Variants in RGL1 observed in about 807,000 individuals in gnomAD.
RGL1 encodes ral guanine nucleotide dissociation stimulator like 1.
Under a neutral mutation model 95.2 loss-of-function variants are expected in RGL1, and 24 were observed. The observed-to-expected ratio is 0.25, with a 90% CI of 0.18 to 0.35. The LOEUF is 0.35. RGL1 is among the 10% of genes least tolerant of loss of function. The pLI is 1.00. For missense variants in RGL1, 715 were observed against 936.3 expected (o/e 0.76, Z 3.08); for synonymous variants, 329 against 344.9 (o/e 0.95, Z 0.51).
chr1:183,902,471 T>C, intron 11 of RGL1, 97 bp from the exon 12 acceptor site: 1 of 899,348 alleles, frequency 1.1e-6, no homozygotes, highest in Middle Eastern at 2.4e-4. Context: ...TGTGACTTTA[T>C]CACCCCTTTG....
intron 1 of RGL1, among the ~76,000 whole-genome samples, chr1:183,672,185 G>A (rs142341725): frequency 3.4e-4 from 52 of 152,088 alleles, no homozygotes; most frequent in African/African-American, 1.0e-3. Context: ...TACCTGCCTC[G>A]GCCTCCCAAA....
intron 4 of RGL1, among the ~76,000 whole-genome samples, chr1:183,870,441 T>C (rs61809215): frequency 8.2e-6 from 1 of 121,692 alleles, no homozygotes; most frequent in Non-Finnish European, 1.7e-5. Flanking sequence ...GCCAGGGTAG[T>C]TGTCTTCCGG....
At chr1:183,713,003 G>A (rs917073446) in intron 1 of RGL1, among the ~76,000 whole-genome samples, 3 of 152,148 alleles carry the variant, frequency 2.0e-5, no homozygotes, top group South Asian at 2.1e-4. Flanking sequence ...TTTGATGATC[G>A]TGTGTGTCAG....
intron 2 of RGL1, among the ~76,000 whole-genome samples, chr1:183,809,882 GGGT>G (rs1661589713): frequency 6.6e-6 from 1 of 152,162 alleles, no homozygotes. Context: ...GCGTGAGCCA[GGGT>G]GGTCAAGGCT....
At chr1:183,813,770 C>T (rs905622305) in intron 2 of RGL1, among the ~76,000 whole-genome samples, 1 of 152,178 alleles carries the variant, frequency 6.6e-6, no homozygotes, top group Non-Finnish European at 1.5e-5. Context: ...GCTGACATTG[C>T]TGTTCTTAAA....
intron 4 of RGL1, among the ~76,000 whole-genome samples, chr1:183,871,757 A>G (rs1469360002): frequency 6.6e-6 from 1 of 152,260 alleles, no homozygotes; most frequent in East Asian, 1.9e-4. Context: ...ACAACCGACT[A>G]GTGTTCTTCA....
At chr1:183,727,087 T>A (rs889378649) in intron 1 of RGL1, among the ~76,000 whole-genome samples, 1 of 152,132 alleles carries the variant, frequency 6.6e-6, no homozygotes, top group Non-Finnish European at 1.5e-5. Flanking sequence ...AAATTACTTA[T>A]GAACATGGAC....
intron 12 of RGL1, 59 bp downstream of exon 12, chr1:183,902,659 G>A: frequency 6.5e-7 from 1 of 1,535,954 alleles, no homozygotes; most frequent in South Asian, 1.2e-5. Context: ...TGAAAGAAAT[G>A]GGGACTTAAG....
Position 183,904,891 on chromosome 1 carries a change from C to T in RGL1, c.1392C>T (p.Ala464=). ...CCCAGATAAAGCTCTTACAGTCTGC[C>T]TGCAACAGCTATTGCATGACCCCAG... The part of the protein sequence containing the change: ...VIAQIKLLQS[A]CNSYCMTPDQ... The change falls in exon 13 of 18, where the codon GCC becomes GCT. Residue 464 remains alanine, a synonymous_variant. Coordinates refer to ENST00000360851, the MANE Select transcript of RGL1 (RefSeq NM_001297671.3). 6.2e-7 allele frequency: 1 copy of T among 1,613,756 alleles called. No individual in the cohort carries two copies. The highest frequency in any genetic ancestry group is 1.3e-5 in the African/African-American group (1 of 74,990).
chr1:183,924,885 G>A (rs1412652104), intron 17 of RGL1, among the ~76,000 whole-genome samples: 2 of 151,832 alleles, frequency 1.3e-5, no homozygotes, highest in Non-Finnish European at 2.9e-5. Context: ...AGAATCACTT[G>A]ACCCTGGGAG....
At chr1:183,797,909 G>T (rs959777998) in intron 2 of RGL1, among the ~76,000 whole-genome samples, 1 of 152,216 alleles carries the variant, frequency 6.6e-6, no homozygotes, top group African/African-American at 2.4e-5. Flanking sequence ...CTTTCATATT[G>T]TTGGAGGAAG....
chr1:183,892,131 C>G lies in RGL1; in HGVS notation c.1110C>G (p.Asn370Lys). ...ELSDIFSDHNNHLTSRELLMK... is the reference protein window; with the variant it reads ...ELSDIFSDHNKHLTSRELLMK... ...CAGATATCTTCTCAGACCATAATAA[C>G]CATTTGACCAGCCGAGAACTACTGA... Residue 370 changes from asparagine to lysine, a missense_variant, in exon 9 of 18, where the codon AAC (asparagine) becomes AAG (lysine). Asn to Lys is a moderately conservative substitution (Grantham distance 94). Around this residue, in one of 3 missense-constraint regions of RGL1, gnomAD observed 381 missense variants for 484.8 expected, o/e 0.79. Coordinates refer to ENST00000360851, the MANE Select transcript of RGL1 (RefSeq NM_001297671.3). 6.2e-7 allele frequency: 1 copy of G among 1,612,650 alleles called. No individual in the cohort carries two copies. The highest frequency in any genetic ancestry group is 8.5e-7 in the Non-Finnish European group (1 of 1,179,210).
chr1:183,827,485 G>C (rs1662948097), intron 2 of RGL1, among the ~76,000 whole-genome samples: 2 of 152,186 alleles, frequency 1.3e-5, no homozygotes, highest in Admixed American at 1.3e-4. Context: ...GGACGTCAGT[G>C]GCCTGTTTGT....
intron 2 of RGL1, among the ~76,000 whole-genome samples, chr1:183,787,172 A>G (rs1660219144): frequency 6.6e-6 from 1 of 152,156 alleles, no homozygotes; most frequent in Admixed American, 6.5e-5. Context: ...CCTCCTTCCC[A>G]GTGCCCGGTC....
intron 1 of RGL1, among the ~76,000 whole-genome samples, chr1:183,714,689 A>G (rs1294427887): frequency 6.6e-6 from 1 of 152,236 alleles, no homozygotes; most frequent in African/African-American, 2.4e-5. Context: ...GTACTGTCAC[A>G]GCATGCCACA....
chr1:183,918,835 A>T (rs1019833898), intron 16 of RGL1, among the ~76,000 whole-genome samples: 2 of 152,240 alleles, frequency 1.3e-5, no homozygotes, highest in African/African-American at 4.8e-5. Context: ...TGGAGAGACG[A>T]CACACTGCTC....
chr1:183,683,433 T>A (rs1653356402), intron 1 of RGL1, among the ~76,000 whole-genome samples: 1 of 152,238 alleles, frequency 6.6e-6, no homozygotes, highest in Non-Finnish European at 1.5e-5. Flanking sequence ...AAGCTTAGTT[T>A]GGCTGGATAT....
chr1:183,833,712 G>T (rs1285224362), intron 2 of RGL1, among the ~76,000 whole-genome samples: 1 of 152,140 alleles, frequency 6.6e-6, no homozygotes, highest in Non-Finnish European at 1.5e-5. Context: ...CAGTTGAATA[G>T]TACTTTTGGT....
chr1:183,673,705 A>C (rs924057349), intron 1 of RGL1, among the ~76,000 whole-genome samples: 32 of 152,342 alleles, frequency 2.1e-4, no homozygotes, highest in Admixed American at 1.6e-3. Flanking sequence ...GTGTACTTAC[A>C]TCACACTATT....
Sources: allele counts gnomAD v4.1 joint callset (sites outside exome capture counted in the v4.1 genomes callset), GRCh38; gene constraint gnomAD v4.1.1; regional missense constraint gnomAD v4.1.1; transcripts MANE v1.5; gene names NCBI Gene and HGNC (gene_info 2026-07-23, HGNC 2026-07-21).